The following NMT2 variants were observed in gnomAD, a reference collection of about 807,000 sequenced individuals.
The protein encoded by NMT2 is glycylpeptide N-tetradecanoyltransferase 2.
In NMT2, 35 loss-of-function variants were observed where a neutral mutation model predicts 65.4. That is an observed-to-expected ratio of 0.54 (90% confidence interval 0.41 to 0.71). The LOEUF is 0.71. NMT2 is among the 30% of genes least tolerant of loss of function. The pLI is 0.00. For synonymous variants in NMT2, 226 were observed against 231.8 expected (o/e 0.98, Z 0.23); for missense variants, 489 against 611.3 (o/e 0.80, Z 2.11).
intron 11 of NMT2, 113 bp from the exon 12 acceptor site, chr10:15,109,328 A>C (rs1489514716): frequency 7.5e-7 from 1 of 1,335,064 alleles, no homozygotes; most frequent in Admixed American, 2.5e-5. Context: ...TAATCCCGGC[A>C]CTTTGGGAGG....
At chr10:15,113,252 T>G (rs997935630) in intron 9 of NMT2, among the ~76,000 whole-genome samples, 1 of 151,552 alleles carries the variant, frequency 6.6e-6, no homozygotes, top group African/African-American at 2.4e-5. Context: ...GTGTGGATCA[T>G]GAGGTCAGGA....
At chr10:15,109,914 A>G (rs1845450221) in intron 10 of NMT2, 75 bp from the exon 11 acceptor site, 2 of 1,181,420 alleles carry the variant, frequency 1.7e-6, no homozygotes, top group Non-Finnish European at 2.4e-6. Flanking sequence ...CAGTTTAACA[A>G]TTCTACTAAT....
Position 15,134,342 on chromosome 10 carries a change from G to A in NMT2, c.391+932C>T, listed in dbSNP as rs535549574. 8.6e-4 allele frequency among the ~76,000 whole-genome samples: 131 copies of A among 152,262 alleles called. 1 individual carries two copies. The highest frequency in any genetic ancestry group is 1.0e-3 in the Non-Finnish European group (71 of 68,024). On this transcript the variant is annotated intron_variant, in intron 3 of 11. Coordinates refer to ENST00000378165, the MANE Select transcript of NMT2 (RefSeq NM_004808.3). Reference sequence around the variant, plus strand: ...CCTGCCCCCTGCTCCCAGTGCTCTGGCCATGATGACCGGGGCAGGCCTCAG... The same window carrying A: ...CCTGCCCCCTGCTCCCAGTGCTCTGACCATGATGACCGGGGCAGGCCTCAG...
chr10:15,122,346 C>G (rs944625713), intron 8 of NMT2, among the ~76,000 whole-genome samples: 4 of 152,138 alleles, frequency 2.6e-5, no homozygotes, highest in African/African-American at 9.7e-5. Context: ...AACTGTGAAA[C>G]CACTAAAGGA....
chr10:15,130,043 C>T (rs950646470), intron 7 of NMT2, 99 bp downstream of exon 7: 1 of 896,256 alleles, frequency 1.1e-6, no homozygotes, highest in African/African-American at 1.7e-5. Flanking sequence ...TTCTAGTCTC[C>T]ATCTCTGCTA....
chr10:15,138,422 C>T (rs201592136), intron 2 of NMT2: 48 of 471,192 alleles, frequency 1.0e-4, no homozygotes, highest in Admixed American at 2.3e-4. Flanking sequence ...TGTCCATTCA[C>T]CTTCCATAGT....
At chr10:15,160,546 G>A (rs1022901575) in intron 1 of NMT2, among the ~76,000 whole-genome samples, 9 of 151,696 alleles carry the variant, frequency 5.9e-5, no homozygotes, top group African/African-American at 2.2e-4. Flanking sequence ...AGGCTGAGGT[G>A]GGGAGATTCC....
intron 8 of NMT2, among the ~76,000 whole-genome samples, chr10:15,120,811 C>T (rs1325945989): frequency 6.6e-6 from 1 of 152,192 alleles, no homozygotes; most frequent in East Asian, 1.9e-4. Context: ...GCCATACCAG[C>T]CTGAAAGTGT....
chr10:15,154,849 T>G (rs1310753778), intron 1 of NMT2: 1 of 783,570 alleles, frequency 1.3e-6, no homozygotes, highest in South Asian at 1.3e-5. Flanking sequence ...CTCTTGCCAT[T>G]CTTGGACCCA....
chr10:15,129,260 T>C (rs1370946174), intron 7 of NMT2, among the ~76,000 whole-genome samples: 1 of 152,216 alleles, frequency 6.6e-6, no homozygotes, highest in Non-Finnish European at 1.5e-5. Flanking sequence ...AGTATTCCAT[T>C]TACTTAACGA....
At position 15,141,509 on chromosome 10, in the gene NMT2, C is replaced by T. The variant is rs1010030695; in HGVS notation, c.159G>A (p.Lys53=). The change falls in exon 2 of 12, where the codon AAG becomes AAA. Residue 53 remains lysine (K), a synonymous_variant. Coordinates refer to ENST00000378165, the MANE Select transcript of NMT2 (RefSeq NM_004808.3). Reference sequence around the variant, plus strand: ...CGGAATTTGGTTTCTCCTTTTTTCTCTTCTGTTTCTTCTTTTTCTTTTTGG... The same window carrying T: ...CGGAATTTGGTTTCTCCTTTTTTCTTTTCTGTTTCTTCTTTTTCTTTTTGG... ...LGAKKKKKKQ[K]RKKEKPNSGG... is the part of the protein sequence containing the mutation. The T allele has an allele frequency of 6.8e-6, 11 of 1,614,062 alleles. No individual in the cohort carries two copies. The highest frequency in any genetic ancestry group is 1.3e-5 in the African/African-American group (1 of 74,940).
At chr10:15,158,745 G>T (rs1833088236) in intron 1 of NMT2, among the ~76,000 whole-genome samples, 2 of 152,186 alleles carry the variant, frequency 1.3e-5, no homozygotes, top group African/African-American at 4.8e-5. Flanking sequence ...TTAAAGAAAA[G>T]ACATTTATTT....
At chr10:15,126,931 C>A (rs1262665093) in intron 8 of NMT2, among the ~76,000 whole-genome samples, 3 of 152,206 alleles carry the variant, frequency 2.0e-5, no homozygotes, top group Non-Finnish European at 4.4e-5. Context: ...TATATTTTTC[C>A]CTATTAAAAA....
At chr10:15,136,357 G>T (rs368834290) in intron 2 of NMT2, among the ~76,000 whole-genome samples, 1 of 148,282 alleles carries the variant, frequency 6.7e-6, no homozygotes, top group East Asian at 2.0e-4. Flanking sequence ...AAAGAAAAAA[G>T]GAGGGAGGGA....
At chr10:15,152,072 A>G (rs1305125709) in intron 1 of NMT2, among the ~76,000 whole-genome samples, 1 of 152,232 alleles carries the variant, frequency 6.6e-6, no homozygotes, top group Non-Finnish European at 1.5e-5. Context: ...TCAAACGTAG[A>G]AATGAGATAG....
intron 3 of NMT2, among the ~76,000 whole-genome samples, chr10:15,134,620 C>T (rs917189371): frequency 6.6e-6 from 1 of 152,134 alleles, no homozygotes; most frequent in Non-Finnish European, 1.5e-5. Flanking sequence ...AGACACTCAA[C>T]AGACACCTGC....
chr10:15,156,052 T>C (rs1832987774), intron 1 of NMT2, among the ~76,000 whole-genome samples: 1 of 152,204 alleles, frequency 6.6e-6, no homozygotes, highest in African/African-American at 2.4e-5. Context: ...TGAATATTTT[T>C]GAACCAACGT....
chr10:15,161,600 T>TCCGC (rs1460620401), intron 1 of NMT2, among the ~76,000 whole-genome samples: 1 of 152,108 alleles, frequency 6.6e-6, no homozygotes. Context: ...CCTCAGGTGA[T>TCCGC]CCGCCCACCC....
At chr10:15,158,295 A>AGTGC (rs1407358022) in intron 1 of NMT2, among the ~76,000 whole-genome samples, 2 of 151,448 alleles carry the variant, frequency 1.3e-5, no homozygotes, top group Admixed American at 1.3e-4. Context: ...CAGCCTGGGT[A>AGTGC]ACAGAGAGAT....
Sources: allele counts gnomAD v4.1 joint callset (sites outside exome capture counted in the v4.1 genomes callset), GRCh38; gene constraint gnomAD v4.1.1; transcripts MANE v1.5; gene names NCBI Gene and HGNC (gene_info 2026-07-23, HGNC 2026-07-21).